The following NLGN4X variants were observed in gnomAD, a reference collection of about 807,000 sequenced individuals.
NLGN4X encodes the protein neuroligin-4, X-linked.
A neutral mutation model predicts 40.3 loss-of-function variants in NLGN4X; 3 were observed. The ratio of observed to expected loss-of-function variants is 0.07; its 90% confidence interval spans 0.03 to 0.19. The LOEUF (loss-of-function observed/expected upper bound fraction) is 0.19. NLGN4X is among the 10% of genes least tolerant of loss of function. NLGN4X has a pLI of 1.00. For synonymous variants in NLGN4X, 270 were observed against 306.8 expected (o/e 0.88, Z 1.25); for missense variants, 382 against 708.3 (o/e 0.54, Z 5.23).
chrX:5,913,454 A>G (rs1385941652), intron 3 of NLGN4X, among the ~76,000 whole-genome samples: 1 of 111,751 alleles, frequency 8.9e-6, no homozygotes, highest in Non-Finnish European at 1.9e-5. Context: ...CTAAAACCAG[A>G]GATTTACAAC....
chrX:5,956,681 G>A (rs779055354), intron 3 of NLGN4X, among the ~76,000 whole-genome samples: 7 of 111,475 alleles, frequency 6.3e-5, no homozygotes, highest in Non-Finnish European at 1.3e-4. Flanking sequence ...ACCAGCACGT[G>A]CATCACCAAC....
At chrX:6,163,940 G>T (rs537566960) in intron 1 of NLGN4X, among the ~76,000 whole-genome samples, 1 of 112,823 alleles carries the variant, frequency 8.9e-6, no homozygotes, top group Non-Finnish European at 1.9e-5. Flanking sequence ...AAACCAGAAG[G>T]AACCAGGACA....
chrX:6,146,686 G>C (rs1204503583), intron 2 of NLGN4X, among the ~76,000 whole-genome samples: 1 of 77,534 alleles, frequency 1.3e-5, no homozygotes, highest in Admixed American at 1.5e-4. Flanking sequence ...TTTTTCAATT[G>C]TATTGCTAGC....
intron 3 of NLGN4X, among the ~76,000 whole-genome samples, chrX:6,023,574 G>A (rs997460473): frequency 8.9e-6 from 1 of 111,858 alleles, no homozygotes; most frequent in Non-Finnish European, 1.9e-5. Context: ...CTGCTAGAAG[G>A]TGTGATGCCA....
chrX:6,127,633 T>C (rs1327326624), intron 2 of NLGN4X, among the ~76,000 whole-genome samples: 1 of 112,097 alleles, frequency 8.9e-6, no homozygotes, highest in African/African-American at 3.2e-5. Flanking sequence ...AATACATTGC[T>C]TCCTTCATGT....
chrX:5,935,978 C>T (rs946912410), intron 3 of NLGN4X, among the ~76,000 whole-genome samples: 2 of 111,844 alleles, frequency 1.8e-5, no homozygotes, highest in Admixed American at 1.9e-4. Context: ...AAGTGGTTAT[C>T]CTTAGGACAG....
chrX:6,091,753 G>A (rs944566572), intron 2 of NLGN4X, among the ~76,000 whole-genome samples: 3 of 111,998 alleles, frequency 2.7e-5, no homozygotes, highest in Non-Finnish European at 5.6e-5. Flanking sequence ...GTATTACAGA[G>A]TAAGAGACAG....
rs1179679040 is a variant in NLGN4X at position 5,892,251 on chromosome X, C to T, written c.*566G>A. ...CAGGCTGGCAAAACACCTCTTTGCACAGAACCGTACAGATTTCGCTGCACA... is the reference window on the plus strand; with the variant it reads ...CAGGCTGGCAAAACACCTCTTTGCATAGAACCGTACAGATTTCGCTGCACA... On this transcript the variant is annotated 3_prime_UTR_variant, in exon 6 of 6. Coordinates refer to ENST00000381095, the MANE Select transcript of NLGN4X (RefSeq NM_181332.3). 1.6e-5 allele frequency: 2 copies of T among 127,045 alleles called. No individual in the cohort carries two copies. The highest frequency in any genetic ancestry group is 8.2e-5 in the Admixed American group (1 of 12,221). The allele number at this position is 127,045 out of a possible 1,213,427, so 10.5% of individuals were successfully genotyped here.
At chrX:6,225,681 C>CTTT (rs1569309354) in intron 1 of NLGN4X, among the ~76,000 whole-genome samples, 26 of 33,770 alleles carry the variant, frequency 7.7e-4, no homozygotes, top group African/African-American at 1.7e-3. Context: ...TTTTTTCTTT[C>CTTT]TTTTTTTCTT....
intron 3 of NLGN4X, among the ~76,000 whole-genome samples, chrX:5,938,330 G>A (rs1027147054): frequency 5.4e-5 from 6 of 110,859 alleles, no homozygotes; most frequent in Non-Finnish European, 3.8e-5. Flanking sequence ...TCATTATTAG[G>A]GACAGTGATC....
intron 2 of NLGN4X, among the ~76,000 whole-genome samples, chrX:6,128,831 T>C (rs1020234111): frequency 5.4e-5 from 6 of 111,486 alleles, no homozygotes; most frequent in Non-Finnish European, 7.6e-5. Flanking sequence ...TATTTTTTAA[T>C]TTTTTTTTGC....
intron 2 of NLGN4X, among the ~76,000 whole-genome samples, chrX:6,094,356 A>G (rs886577278): frequency 1.8e-5 from 2 of 110,848 alleles, no homozygotes; most frequent in Non-Finnish European, 3.8e-5. Flanking sequence ...TAAAGATGCA[A>G]TAGCAAGATT....
chrX:6,220,648 T>A (rs901916861), intron 1 of NLGN4X, among the ~76,000 whole-genome samples: 1 of 109,382 alleles, frequency 9.1e-6, no homozygotes, highest in African/African-American at 3.3e-5. Flanking sequence ...ACATACTTTC[T>A]ACTTACTTAG....
chrX:6,038,240 G>T (rs748532844), intron 2 of NLGN4X, among the ~76,000 whole-genome samples: 32 of 111,782 alleles, frequency 2.9e-4, no homozygotes, highest in African/African-American at 1.0e-3. Context: ...CTGGGGCCAG[G>T]AATACATTTA....
rs773731382 is a variant in NLGN4X, at chrX:6,194,978, TA to T, written c.-306+33562del. On this transcript the variant is annotated intron_variant, in intron 1 of 5. Coordinates refer to ENST00000381095, the MANE Select transcript of NLGN4X (RefSeq NM_181332.3). Reference sequence around the variant, plus strand: ...TTCTAATAATAGTAGTAATAATAGTTATTTTTTTATTTTTTATTTTTATTTT... The same window carrying T: ...TTCTAATAATAGTAGTAATAATAGTTTTTTTTTATTTTTTATTTTTATTTT... Among the ~76,000 whole-genome samples, 529 of 111,251 alleles carry T rather than the reference TA, an allele frequency of 4.8e-3. 5 individuals carry two copies. The highest frequency in any genetic ancestry group is 0.017 in the African/African-American group (511 of 30,641).
chrX:6,149,694 C>T (rs1423337967), intron 2 of NLGN4X, among the ~76,000 whole-genome samples: 1 of 111,372 alleles, frequency 9.0e-6, no homozygotes, highest in East Asian at 2.8e-4. Context: ...GGCAATATGC[C>T]AGAAACCACT....
intron 4 of NLGN4X, among the ~76,000 whole-genome samples, chrX:5,904,780 C>T (rs1303500958): frequency 8.9e-6 from 1 of 112,029 alleles, no homozygotes; most frequent in Non-Finnish European, 1.9e-5. Flanking sequence ...CCGTGAATCC[C>T]AGCCCGAGTC....
intron 1 of NLGN4X, among the ~76,000 whole-genome samples, chrX:6,201,939 G>A (rs1923655910): frequency 2.7e-5 from 3 of 111,427 alleles, no homozygotes; most frequent in East Asian, 2.9e-4. Context: ...AGGACAGTAC[G>A]GAAGGAAGAG....
Position 5,903,309 on chromosome X carries a change from C to T in NLGN4X, c.1369G>A (p.Ala457Thr), listed in dbSNP as rs2031988563. 3 of 1,211,450 alleles carry T rather than the reference C, an allele frequency of 2.5e-6. No homozygotes were observed. Among genetic ancestry groups the T allele is most frequent in the Non-Finnish European group, 3.4e-6 (3 of 895,365 alleles). ...GAGCCGTACTGCGCGTGCAGGTCGG[C>T]GGTGGCCACGGCGGGGGCCACCCAC... ...HQWVAPAVAT[A>T]DLHAQYGSPT... Residue 457 changes from alanine (A) to threonine (T), a missense_variant, in exon 5 of 6, where the codon GCC becomes ACC. Physicochemically the swap from Ala to Thr is moderately conservative, Grantham distance 58. Coordinates refer to ENST00000381095, the MANE Select transcript of NLGN4X (RefSeq NM_181332.3).
Sources: gnomAD v4.1 joint callset for allele counts (sites outside exome capture counted in the v4.1 genomes callset) on GRCh38, gnomAD v4.1.1 for gene constraint, MANE v1.5 for transcripts, NCBI Gene and HGNC (gene_info 2026-07-23, HGNC 2026-07-21) for gene names.